The following EML6 variants were observed in gnomAD, a reference collection of about 807,000 sequenced individuals.
EML6 encodes echinoderm microtubule-associated protein-like 6.
In EML6, 154 loss-of-function variants were observed where a neutral mutation model predicts 240.1. That is an observed-to-expected ratio of 0.64 (90% CI 0.56 to 0.73). The LOEUF is 0.73. Ranked by LOEUF, EML6 falls within the 30% of genes least tolerant of loss-of-function variation. The pLI, the probability that EML6 is intolerant of heterozygous loss-of-function variation, is 0.00. For synonymous variants in EML6, 1,148 were observed against 899.0 expected (o/e 1.28, Z -4.95); for missense variants, 2,964 against 2,474.6 (o/e 1.20, Z -4.20).
chr2:54,774,112 T>C lies in EML6; in HGVS notation c.198-39120T>C, dbSNP rs750486996. ...TTTCATCCCAGGGGCCAGAGCATGG[T>C]TGAATGGCCACACCCAGCAGACTCC... On this transcript the variant is annotated intron_variant, in intron 2 of 41. Transcript: ENST00000356458. This position sits in a 1 kb window ranked among gnomAD's most constrained non-coding sequence, Gnocchi z 4.1. 6.6e-6 allele frequency among the ~76,000 whole-genome samples: 1 copy of C among 152,300 alleles called. No homozygotes were observed. The highest frequency in any genetic ancestry group is 1.5e-5 in the Non-Finnish European group (1 of 68,020).
At chr2:54,784,554 T>C (rs1263537195) in intron 2 of EML6, among the ~76,000 whole-genome samples, 1 of 152,162 alleles carries the variant, frequency 6.6e-6, no homozygotes, top group Non-Finnish European at 1.5e-5. Flanking sequence ...CCCACCCCCT[T>C]GCGGTGAAAA....
intron 26 of EML6, among the ~76,000 whole-genome samples, chr2:54,917,358 GTTTTTTTTTTTTTT>G (rs147785699): frequency 4.0e-5 from 5 of 123,822 alleles, no homozygotes; most frequent in African/African-American, 1.5e-4. Flanking sequence ...TTTTTTTTTT[GTTTTTTTTTTTTTT>G]TTTGTTTTTT....
At chr2:54,805,485 T>C (rs1484935138) in intron 2 of EML6, among the ~76,000 whole-genome samples, 1 of 152,216 alleles carries the variant, frequency 6.6e-6, no homozygotes, top group Non-Finnish European at 1.5e-5. Context: ...CTTTTTAATT[T>C]TAGTTGTCCT....
chr2:54,923,367 GCACACACACACACACACA>G (rs113101367), intron 26 of EML6, among the ~76,000 whole-genome samples: 5 of 144,362 alleles, frequency 3.5e-5, no homozygotes, highest in African/African-American at 1.0e-4. Context: ...CTCACCAAAC[GCACACACACACACACACA>G]CACACACACA....
At chr2:54,911,726 C>G (rs895987038) in intron 25 of EML6, among the ~76,000 whole-genome samples, 2 of 152,162 alleles carry the variant, frequency 1.3e-5, no homozygotes, top group Non-Finnish European at 2.9e-5. Context: ...CGTGAGCCAC[C>G]GTGTCCAGCC....
At chr2:54,937,383 C>T (rs1453748583) in intron 28 of EML6, among the ~76,000 whole-genome samples, 1 of 151,392 alleles carries the variant, frequency 6.6e-6, no homozygotes, top group Non-Finnish European at 1.5e-5. Context: ...GCAGCCTGGA[C>T]AATATAGGGA....
At chr2:54,934,394 A>C (rs1169274272) in intron 28 of EML6, among the ~76,000 whole-genome samples, 1 of 152,122 alleles carries the variant, frequency 6.6e-6, no homozygotes, top group East Asian at 1.9e-4. Flanking sequence ...ACAGGCACGC[A>C]TAAGCTGTCA....
At chr2:54,891,226 CTG>C (rs932870117) in intron 18 of EML6, 72 bp downstream of exon 18, 2 of 699,104 alleles carry the variant, frequency 2.9e-6, no homozygotes, top group African/African-American at 1.8e-5. Flanking sequence ...ACAAAACAAA[CTG>C]TTGCTACTAC....
chr2:54,962,750 G>A (rs1676578117), intron 36 of EML6, 39 bp downstream of exon 36: 1 of 1,425,094 alleles, frequency 7.0e-7, no homozygotes, highest in Non-Finnish European at 9.2e-7. Flanking sequence ...GCCCACGAGT[G>A]GGCTGCGCGG....
chr2:54,842,182 T>C (rs1283684056), intron 7 of EML6, among the ~76,000 whole-genome samples: 1 of 152,206 alleles, frequency 6.6e-6, no homozygotes, highest in East Asian at 1.9e-4. Context: ...TATAGTATCC[T>C]ACAGGATAGT....
intron 17 of EML6, among the ~76,000 whole-genome samples, chr2:54,886,710 G>A (rs915171263): frequency 1.3e-5 from 2 of 152,128 alleles, no homozygotes; most frequent in Non-Finnish European, 2.9e-5. Flanking sequence ...ATGTTTTCCT[G>A]TGCTGACTGG....
At chr2:54,917,358 G>GTTT (rs147785699) in intron 26 of EML6, among the ~76,000 whole-genome samples, 13 of 123,820 alleles carry the variant, frequency 1.0e-4, no homozygotes, top group Non-Finnish European at 1.3e-4. Context: ...TTTTTTTTTT[G>GTTT]TTTTTTTTTT....
At chr2:54,911,683 C>T (rs1013784127) in intron 25 of EML6, among the ~76,000 whole-genome samples, 14 of 152,160 alleles carry the variant, frequency 9.2e-5, no homozygotes, top group Admixed American at 9.2e-4. Flanking sequence ...GTGATCCGCC[C>T]ACGTCAGCCT....
Position 54,860,831 on chromosome 2 carries a change from G to GT in EML6, c.1825+1133dup, listed in dbSNP as rs146498458. ...AGCTCCTCATTTCTCCCCAGATGGG[G>GT]TTTATGCCATGTGTTGAATGCCCAA... On this transcript the variant is annotated intron_variant, in intron 12 of 41. Transcript: ENST00000356458. Among the ~76,000 whole-genome samples, 1,007 of 152,274 alleles carry GT rather than the reference G, an allele frequency of 6.6e-3. 16 individuals carry two copies. Among genetic ancestry groups the GT allele is most frequent in the African/African-American group, 0.023 (961 of 41,554 alleles).
intron 2 of EML6, among the ~76,000 whole-genome samples, chr2:54,804,486 T>G (rs1313142999): frequency 6.6e-6 from 1 of 152,250 alleles, no homozygotes. Flanking sequence ...TCAAATTCTT[T>G]TATCAGTAGC....
At chr2:54,933,001 C>T (rs1224437345) in intron 28 of EML6, among the ~76,000 whole-genome samples, 5 of 152,200 alleles carry the variant, frequency 3.3e-5, no homozygotes, top group African/African-American at 1.2e-4. Context: ...CTTCAGGTGG[C>T]ACTTGTTAAG....
intron 2 of EML6, among the ~76,000 whole-genome samples, chr2:54,755,634 A>T (rs925536043): frequency 1.3e-5 from 2 of 152,036 alleles, no homozygotes; most frequent in African/African-American, 4.8e-5. Flanking sequence ...TTCATTTTCT[A>T]ATTATTTTTG....
rs1398050914 is a variant in EML6, at chr2:54,952,611, C to G, written c.4231C>G (p.Leu1411Val). Reference protein sequence around the residue: ...NLSTGSQSFYLEHTDDILCLT... With the variant: ...NLSTGSQSFYVEHTDDILCLT... ...TCCCCCAGGGAGCCAGAGCTTCTAT[C>G]TGGAGCACACAGATGACATCCTCTG... The change falls in exon 31 of 42, where the codon CTG becomes GTG. Residue 1411 changes from leucine to valine, a missense_variant. Physicochemically the swap from Leu to Val is conservative, Grantham distance 32. Transcript: ENST00000356458. 5.8e-6 allele frequency: 9 copies of G among 1,551,032 alleles called. No homozygotes were observed. The highest frequency in any genetic ancestry group is 1.4e-5 in the African/African-American group (1 of 73,044).
At chr2:54,849,523 C>G (rs1489656814) in intron 9 of EML6, among the ~76,000 whole-genome samples, 3 of 152,236 alleles carry the variant, frequency 2.0e-5, no homozygotes, top group Non-Finnish European at 4.4e-5. Context: ...GAGTCTTGCT[C>G]TGTCGCCCAA....
Sources: allele counts gnomAD v4.1 joint callset (sites outside exome capture counted in the v4.1 genomes callset), GRCh38; gene constraint gnomAD v4.1.1; non-coding constraint Gnocchi (gnomAD v3.1); transcripts MANE v1.5; gene names NCBI Gene and HGNC (gene_info 2026-07-23, HGNC 2026-07-21).